Variants in MMP20 observed in about 807,000 individuals in gnomAD.
MMP20 encodes the protein matrix metallopeptidase 20, also known as matrix metalloproteinase-20.
A neutral mutation model predicts 51.8 loss-of-function variants in MMP20; 50 were observed. The observed-to-expected ratio is 0.97, with a 90% CI of 0.77 to 1.22. MMP20 has a LOEUF of 1.22. MMP20 is among the 50% of genes most tolerant of loss of function. The pLI, the probability that MMP20 is intolerant of heterozygous loss-of-function variation, is 0.00. For missense variants in MMP20, 663 were observed against 601.4 expected, an observed-to-expected ratio of 1.10 and a Z score of -1.07; for synonymous variants, 244 against 216.2, an observed-to-expected ratio of 1.13 and a Z score of -1.13.
chr11:102,594,497 G>C lies in MMP20; in HGVS notation c.1090+124C>G, dbSNP rs537506193. ...TAGGGTGGCATTTCATACCCAACCT[G>C]AGGACAAAGAGCAACTGAAATGTGC... On this transcript the variant is annotated intron_variant, in intron 7 of 9. Coordinates refer to ENST00000260228, the MANE Select transcript of MMP20 (RefSeq NM_004771.4). 1.8e-5 allele frequency: 23 copies of C among 1,290,718 alleles called. No homozygotes were observed. In the South Asian group the frequency reaches 2.9e-4, roughly 16 times the overall value. 80.0% of individuals were successfully genotyped at this position (1,290,718 alleles called of 1,614,324 possible). A position where few individuals can be genotyped will look rare whatever the true frequency, so the allele number is the denominator to read the frequency against.
intron 1 of MMP20, among the ~76,000 whole-genome samples, chr11:102,619,725 A>G (rs1415772233): frequency 6.6e-6 from 1 of 152,182 alleles, no homozygotes; most frequent in Non-Finnish European, 1.5e-5. Flanking sequence ...AACAGTGGTT[A>G]AACCTTAATA....
intron 8 of MMP20, among the ~76,000 whole-genome samples, chr11:102,584,955 C>T (rs973280109): frequency 1.3e-5 from 2 of 152,108 alleles, no homozygotes; most frequent in African/African-American, 4.8e-5. Context: ...TATTTCCTTA[C>T]TCTAAATTTT....
chr11:102,583,167 GA>G (rs958880998), intron 8 of MMP20, among the ~76,000 whole-genome samples: 11 of 152,074 alleles, frequency 7.2e-5, no homozygotes, highest in African/African-American at 2.4e-4. Flanking sequence ...TGCCAAAATT[GA>G]AAACCCATTT....
chr11:102,586,983 T>C (rs1204125224), intron 8 of MMP20, among the ~76,000 whole-genome samples: 2 of 152,178 alleles, frequency 1.3e-5, no homozygotes, highest in Non-Finnish European at 2.9e-5. Flanking sequence ...TCCTTCTTTC[T>C]TCTTGCTTTA....
intron 8 of MMP20, among the ~76,000 whole-genome samples, chr11:102,588,649 A>C (rs1401522875): frequency 6.6e-6 from 1 of 152,260 alleles, no homozygotes; most frequent in East Asian, 1.9e-4. Context: ...ATATGCATTT[A>C]TACTGTCTTT....
chr11:102,615,089 A>G (rs1176024290), intron 2 of MMP20, among the ~76,000 whole-genome samples: 2 of 147,614 alleles, frequency 1.4e-5, no homozygotes, highest in Admixed American at 6.8e-5. Flanking sequence ...ATTTAATATA[A>G]TTTAATGTAA....
At chr11:102,618,146 A>G (rs1184392311) in intron 1 of MMP20, among the ~76,000 whole-genome samples, 3 of 152,334 alleles carry the variant, frequency 2.0e-5, no homozygotes, top group Non-Finnish European at 2.9e-5. Flanking sequence ...GGGAAAAGCT[A>G]CAAAAAAAAT....
intron 6 of MMP20, among the ~76,000 whole-genome samples, chr11:102,595,678 T>C (rs1161375901): frequency 6.6e-6 from 1 of 152,236 alleles, no homozygotes; most frequent in African/African-American, 2.4e-5. Context: ...ACAGAAAATC[T>C]AGTACACACA....
chr11:102,592,162 C>A (rs936934837), intron 8 of MMP20, among the ~76,000 whole-genome samples: 1 of 152,194 alleles, frequency 6.6e-6, no homozygotes, highest in Non-Finnish European at 1.5e-5. Flanking sequence ...CTACAGCCAC[C>A]TTATCTTAAA....
In MMP20 at chr11:102,616,942, G is replaced by C. The variant is rs1335668659; in HGVS notation, c.244C>G (p.Gln82Glu). 6.2e-7 allele frequency: 1 copy of C among 1,614,182 alleles called. No homozygotes were observed. Among genetic ancestry groups the C allele is most frequent in the Non-Finnish European group, 8.5e-7 (1 of 1,180,036 alleles). ...GTCTGGTCTAACTTCCCGGTGACTT[G>C]GAGGCCAAAGAACGCTTGTAGCTCC... ...IKELQAFFGL[Q>E]VTGKLDQTTM... The change falls in exon 2 of 10, where the codon CAA (glutamine) becomes GAA (glutamate). Residue 82 changes from glutamine to glutamate, a missense_variant. Transcript: ENST00000260228.
At chr11:102,605,640 T>A (rs1395018836) in intron 6 of MMP20, among the ~76,000 whole-genome samples, 2 of 152,076 alleles carry the variant, frequency 1.3e-5, no homozygotes, top group Non-Finnish European at 2.9e-5. Context: ...CCCCTACTCA[T>A]ACACCTTCTC....
intron 8 of MMP20, among the ~76,000 whole-genome samples, chr11:102,580,299 T>C (rs1330291569): frequency 6.6e-6 from 1 of 152,244 alleles, no homozygotes. Flanking sequence ...AGAAAGTCCC[T>C]TCTTCATTAG....
rs569355496 is a variant in MMP20 at position 102,578,962 on chromosome 11, C to T, written c.1351+77G>A. ...CCAAGGACTCCCACTTGGAAATCCA[C>T]TTTCTGTTGTGTTAAAGCAAAGCCA... On this transcript the variant is annotated intron_variant, in intron 9 of 9. Coordinates refer to ENST00000260228, the MANE Select transcript of MMP20 (RefSeq NM_004771.4). 1.1e-5 allele frequency: 12 copies of T among 1,094,598 alleles called. No individual in the cohort carries two copies. The South Asian group carries it at 1.4e-4, about 12-fold the overall frequency. The allele number at this position is 1,094,598 out of a possible 1,614,324, so 67.8% of individuals were successfully genotyped here. A position where few individuals can be genotyped will look rare whatever the true frequency, so the allele number is the denominator to read the frequency against.
intron 8 of MMP20, among the ~76,000 whole-genome samples, chr11:102,582,299 T>C (rs937016050): frequency 6.6e-6 from 1 of 152,148 alleles, no homozygotes; most frequent in Non-Finnish European, 1.5e-5. Flanking sequence ...TTCTACCCTC[T>C]TAGAAGCACT....
At position 102,594,708 on chromosome 11, in the gene MMP20, T is replaced by C. The variant is rs1290711014; in HGVS notation, c.1003A>G (p.Thr335Ala). The part of the protein sequence containing the change: ...VHLRTGIRPS[T>A]ITSSFPQLMS... ...AGCTGGGGGAAGGAGCTGGTAATAG[T>C]GCTGGGCCGAATTCCTGTCCGCAAG... The change falls in exon 7 of 10, where the codon ACT (threonine) becomes GCT (alanine). Residue 335 changes from threonine (T) to alanine (A), a missense_variant. Transcript: ENST00000260228. The C allele has an allele frequency of 6.2e-7, 1 of 1,607,766 alleles. No individual in the cohort carries two copies. The highest frequency in any genetic ancestry group is 8.5e-7 in the Non-Finnish European group (1 of 1,179,464).
intron 8 of MMP20, among the ~76,000 whole-genome samples, chr11:102,585,813 T>C (rs1859248560): frequency 6.6e-6 from 1 of 152,238 alleles, no homozygotes; most frequent in Non-Finnish European, 1.5e-5. Context: ...CTGAATGTTT[T>C]TTTATCATGA....
chr11:102,606,929 C>A (rs962943682), intron 5 of MMP20: 25 of 483,262 alleles, frequency 5.2e-5, no homozygotes, highest in South Asian at 4.7e-4. Flanking sequence ...TAGTACTCAC[C>A]TCAGAAGGCT....
intron 1 of MMP20, among the ~76,000 whole-genome samples, chr11:102,620,956 C>T (rs571228910): frequency 3.9e-5 from 6 of 152,334 alleles, no homozygotes; most frequent in Non-Finnish European, 8.8e-5. Flanking sequence ...TCATCAGCAG[C>T]TTTCTCACAC....
chr11:102,577,548 G>A (rs1053573392), intron 9 of MMP20, 122 bp from the exon 10 acceptor site: 1 of 736,242 alleles, frequency 1.4e-6, no homozygotes, highest in Admixed American at 2.0e-5. Context: ...TTGTCAGGTG[G>A]CAGTTAGCTT....
Sources: gnomAD v4.1 joint callset for allele counts (sites outside exome capture counted in the v4.1 genomes callset) on GRCh38, gnomAD v4.1.1 for gene constraint, MANE v1.5 for transcripts, NCBI Gene and HGNC (gene_info 2026-07-23, HGNC 2026-07-21) for gene names.